The following LYSMD4 variants were observed in gnomAD, a reference collection of about 807,000 sequenced individuals.
The protein encoded by LYSMD4 is LysM domain containing 4, also known as lysM and putative peptidoglycan-binding domain-containing protein 4.
LYSMD4 carries 9 observed loss-of-function variants against 6.1 expected under a neutral mutation model. The ratio of observed to expected loss-of-function variants is 1.47; its 90% CI spans 0.88 to 2.56. The LOEUF is 2.56. LYSMD4 is among the 30% of genes most tolerant of loss of function. The pLI, the probability that LYSMD4 is intolerant of heterozygous loss-of-function variation, is 0.00. For missense variants in LYSMD4, 384 were observed against 373.5 expected, an observed-to-expected ratio of 1.03 and a Z score of -0.23; for synonymous variants, 143 against 148.5, an observed-to-expected ratio of 0.96 and a Z score of 0.27.
downstream of LYSMD4, among the ~76,000 whole-genome samples, chr15:99,725,014 C>T (rs2141102557): frequency 6.6e-6 from 1 of 152,292 alleles, no homozygotes; most frequent in East Asian, 1.9e-4. Flanking sequence ...CCACACTCTC[C>T]GAGCCCTGTT....
At chr15:99,722,246 A>G (rs981419398), upstream of LYSMD4, among the ~76,000 whole-genome samples, 2 of 152,202 alleles carry the variant, frequency 1.3e-5, no homozygotes, top group African/African-American at 4.8e-5. Context: ...AGCACACAGC[A>G]TTCGGAGAAT....
Position 99,729,532 on chromosome 15 carries a change from G to A in LYSMD4, c.482C>T (p.Ala161Val), listed in dbSNP as rs8041078. 0.12 allele frequency: 187,950 copies of A among 1,613,900 alleles called. 11,623 individuals are homozygous for A. Among genetic ancestry groups the A allele is most frequent in the African/African-American group, 0.2 (15,138 of 74,946 alleles). ...GAAGCCCATCAGTTGGCCGGCCTGG[G>A]CACCGGTGCCCGCGCCTGCTCTGTC... is the stretch of plus-strand genomic sequence containing the variant. ...EADRAGAGTG[A>V]QAGQLMGFFK... is the part of the protein sequence containing the mutation. Residue 161 changes from alanine (A) to valine (V), a missense_variant, in exon 3 of 3, where the codon GCC becomes GTC. Ala to Val is a moderately conservative substitution (Grantham distance 64). Transcript: ENST00000684762.
downstream of LYSMD4, among the ~76,000 whole-genome samples, chr15:99,722,812 A>C (rs1597378372): frequency 6.6e-6 from 1 of 152,144 alleles, no homozygotes. Flanking sequence ...GGGCGGGCGG[A>C]TCACTTGAGG....
At chr15:99,722,672 A>G (rs1343281976), downstream of LYSMD4, among the ~76,000 whole-genome samples, 1 of 152,186 alleles carries the variant, frequency 6.6e-6, no homozygotes, top group African/African-American at 2.4e-5. Context: ...ATATACAAAC[A>G]CAATGATGAA....
chr15:99,726,503 C>A (rs1482459635), downstream of LYSMD4, among the ~76,000 whole-genome samples: 1 of 152,022 alleles, frequency 6.6e-6, no homozygotes, highest in East Asian at 1.9e-4. Flanking sequence ...CCCCTCCACA[C>A]TCCCCCTACT....
chr15:99,718,940 CAT>C (rs996142573), upstream of LYSMD4, among the ~76,000 whole-genome samples: 8 of 146,380 alleles, frequency 5.5e-5, no homozygotes, highest in African/African-American at 1.2e-4. Context: ...CACACACACA[CAT>C]CCATCCATAT....
At chr15:99,725,463 G>C (rs2059270924), downstream of LYSMD4, among the ~76,000 whole-genome samples, 1 of 152,108 alleles carries the variant, frequency 6.6e-6, no homozygotes, top group African/African-American at 2.4e-5. Flanking sequence ...TGGCCCCCTA[G>C]TCCCACTTTA....
chr15:99,722,922 T>A (rs2059248108), downstream of LYSMD4, among the ~76,000 whole-genome samples: 1 of 152,048 alleles, frequency 6.6e-6, no homozygotes, highest in Admixed American at 6.5e-5. Context: ...TCCCAGCTGC[T>A]TGGAAAACTG....
chr15:99,719,836 C>A (rs1019661130), upstream of LYSMD4, among the ~76,000 whole-genome samples: 1 of 152,160 alleles, frequency 6.6e-6, no homozygotes, highest in African/African-American at 2.4e-5. Flanking sequence ...AGGAGGACAT[C>A]CTTGCCAACA....
downstream of LYSMD4, among the ~76,000 whole-genome samples, chr15:99,725,863 C>T (rs552279889): frequency 2.0e-5 from 3 of 152,280 alleles, no homozygotes; most frequent in East Asian, 5.8e-4. Flanking sequence ...GGATTAAGAG[C>T]ACAGGCTCCC....
chr15:99,721,063 T>C (rs2059233759), upstream of LYSMD4: 1 of 151,484 alleles, frequency 6.6e-6, no homozygotes, highest in Non-Finnish European at 1.5e-5. Flanking sequence ...GACACTAAGG[T>C]TCATGTGAAG....
At position 99,733,399 on chromosome 15, in the gene LYSMD4, CGCGACCCGCAGCT is replaced by C; in HGVS notation, c.-76_-64del. On this transcript the variant is annotated 5_prime_UTR_variant, in exon 1 of 3. Coordinates refer to ENST00000684762, the MANE Select transcript of LYSMD4 (RefSeq NM_001284417.2). ...GACCGGCGACTCGCGACCCGCGACC[CGCGACCCGCAGCT>C]GCCACCGCGCCTGCGGATTGGCTAC... 1 of 395,880 alleles carries C rather than the reference CGCGACCCGCAGCT, an allele frequency of 2.5e-6. No homozygotes were observed. The highest frequency in any genetic ancestry group is 4.5e-6 in the Non-Finnish European group (1 of 224,304). 24.5% of individuals were successfully genotyped at this position (395,880 alleles called of 1,614,324 possible).
Position 99,728,911 on chromosome 15 carries a change from G to C in LYSMD4, c.*212C>G. ...TCTCTTGCTGCACCTCTCTGGATAG[G>C]GGCCGAGGTCGCTGCTGTTTTAGAT... On this transcript the variant is annotated 3_prime_UTR_variant, in exon 3 of 3. Coordinates refer to ENST00000684762, the MANE Select transcript of LYSMD4 (RefSeq NM_001284417.2). 1 of 632,934 alleles carries C rather than the reference G, an allele frequency of 1.6e-6. No homozygotes were observed. The highest frequency in any genetic ancestry group is 2.7e-6 in the Non-Finnish European group (1 of 368,096). The allele number at this position is 632,934 out of a possible 1,614,324, so 39.2% of individuals were successfully genotyped here.
exon 1 of LYSMD4, chr15:99,717,103 C>A (rs896617050): frequency 1.2e-5 from 2 of 163,802 alleles, no homozygotes; most frequent in African/African-American, 4.8e-5. Flanking sequence ...GATGTTCTCT[C>A]CTGATGTGCC....
chr15:99,720,429 G>A (rs373422917), upstream of LYSMD4, among the ~76,000 whole-genome samples: 6 of 152,170 alleles, frequency 3.9e-5, no homozygotes, highest in African/African-American at 9.6e-5. Context: ...GAGACCAGCC[G>A]GGCAGCACAG....
chr15:99,722,765 C>T (rs1036723543), downstream of LYSMD4, among the ~76,000 whole-genome samples: 10 of 152,176 alleles, frequency 6.6e-5, no homozygotes, highest in Non-Finnish European at 1.5e-4. Flanking sequence ...CCAGGCCCAA[C>T]GGCTCATGCC....
Position 99,729,539 on chromosome 15 carries a change from T to C in LYSMD4, c.475A>G (p.Thr159Ala). ...LPEADRAGAG[T>A]GAQAGQLMGF... ...ATCAGTTGGCCGGCCTGGGCACCGG[T>C]GCCCGCGCCTGCTCTGTCTGCCTCT... The change falls in exon 3 of 3, where the codon ACC becomes GCC. Residue 159 changes from threonine (T) to alanine (A), a missense_variant. Thr to Ala is a moderately conservative substitution (Grantham distance 58). Coordinates refer to ENST00000684762, the MANE Select transcript of LYSMD4 (RefSeq NM_001284417.2). 1 of 1,609,270 alleles carries C rather than the reference T, an allele frequency of 6.2e-7. No homozygotes were observed. The highest frequency in any genetic ancestry group is 8.5e-7 in the Non-Finnish European group (1 of 1,177,220).
At chr15:99,718,553 C>T (rs985869310), upstream of LYSMD4, among the ~76,000 whole-genome samples, 6 of 152,198 alleles carry the variant, frequency 3.9e-5, no homozygotes, top group African/African-American at 1.2e-4. Context: ...CTTCTCATTT[C>T]GTTACTCATT....
At position 99,733,425 on chromosome 15, in the gene LYSMD4, G is replaced by A; in HGVS notation, c.-89C>T. On this transcript the variant is annotated 5_prime_UTR_variant, in exon 1 of 3. Transcript: ENST00000684762. Reference sequence around the variant, plus strand: ...GCGACCCGCAGCTGCCACCGCGCCTGCGGATTGGCTACGAACATCAGCAGG... The same window carrying A: ...GCGACCCGCAGCTGCCACCGCGCCTACGGATTGGCTACGAACATCAGCAGG... The A allele has an allele frequency of 2.5e-6, 1 of 395,472 alleles. No homozygotes were observed. Among genetic ancestry groups the A allele is most frequent in the South Asian group, 1.3e-4 (1 of 7,842 alleles). 24.5% of individuals were successfully genotyped at this position (395,472 alleles called of 1,614,324 possible). A position where few individuals can be genotyped will look rare whatever the true frequency, so the allele number is the denominator to read the frequency against.
Sources: allele counts gnomAD v4.1 joint callset (sites outside exome capture counted in the v4.1 genomes callset), GRCh38; gene constraint gnomAD v4.1.1; transcripts MANE v1.5; gene names NCBI Gene and HGNC (gene_info 2026-07-23, HGNC 2026-07-21).